The following ESCO2 variants were observed in gnomAD, a reference collection of about 807,000 sequenced individuals.
ESCO2 encodes the protein N-acetyltransferase ESCO2.
In ESCO2, 51 loss-of-function variants were observed where a neutral mutation model predicts 61.7. The ratio of observed to expected loss-of-function variants is 0.83; its 90% CI spans 0.66 to 1.04. The LOEUF is 1.04. Ranked by LOEUF, ESCO2 falls within the 50% of genes least tolerant of loss-of-function variation. The pLI is 0.00. For synonymous variants in ESCO2, 230 were observed against 238.2 expected (o/e 0.97, Z 0.32); for missense variants, 692 against 686.2 (o/e 1.01, Z -0.09).
intron 3 of ESCO2, chr8:27,777,383 C>G (rs1475438965): frequency 2.7e-6 from 1 of 371,804 alleles, no homozygotes; most frequent in African/African-American, 2.2e-5. Flanking sequence ...CTCACTACAG[C>G]CTCAACCTCC....
chr8:27,782,881 T>TA (rs1470113691), intron 4 of ESCO2, among the ~76,000 whole-genome samples: 1 of 152,084 alleles, frequency 6.6e-6, no homozygotes, highest in Non-Finnish European at 1.5e-5. Flanking sequence ...CCTACCTCCT[T>TA]CAGTGTCGTT....
chr8:27,778,386 G>C (rs145114306), intron 3 of ESCO2: 1 of 152,120 alleles, frequency 6.6e-6, no homozygotes, highest in East Asian at 1.9e-4. Context: ...GTTCTTGCTA[G>C]CTAAGCCATG....
chr8:27,792,033 C>A lies in ESCO2; in HGVS notation c.1334C>A (p.Pro445Gln). Residue 445 changes from proline (P) to glutamine (Q), a missense_variant, in exon 8 of 11, where the codon CCA (proline) becomes CAA (glutamine). Pro to Gln is a moderately conservative substitution (Grantham distance 76, BLOSUM62 -1). Transcript: ENST00000305188. ...GKIVLVLPHD[P>Q]SFAIKKVEDV... ...ATCGTGTTGGTTCTGCCACATGATC[C>A]AAGCTTTGCTATCAAAAAGGTATGG... 1 of 1,614,022 alleles carries A rather than the reference C, an allele frequency of 6.2e-7. No homozygotes were observed.
At chr8:27,791,584 C>G (rs747252823) in intron 7 of ESCO2, among the ~76,000 whole-genome samples, 17 of 152,132 alleles carry the variant, frequency 1.1e-4, no homozygotes, top group Admixed American at 1.3e-4. Context: ...TTTTACTTAG[C>G]CTTTTCTTGG....
At chr8:27,789,004 T>C (rs1585401005) in intron 7 of ESCO2, 26 bp downstream of exon 7, 1 of 1,613,790 alleles carries the variant, frequency 6.2e-7, no homozygotes, top group South Asian at 1.1e-5. Context: ...GTCTTTCAGT[T>C]TGTTCTAGAA....
At chr8:27,780,695 T>C (rs770164920) in intron 4 of ESCO2, among the ~76,000 whole-genome samples, 14 of 152,228 alleles carry the variant, frequency 9.2e-5, no homozygotes, top group Non-Finnish European at 1.9e-4. Context: ...TCAAGAACCA[T>C]GGATTTTTGT....
chr8:27,782,243 G>A (rs1250400019), intron 4 of ESCO2, among the ~76,000 whole-genome samples: 1 of 152,020 alleles, frequency 6.6e-6, no homozygotes, highest in East Asian at 1.9e-4. Flanking sequence ...TCATACCCCT[G>A]TGAGAAATAA....
downstream of ESCO2, chr8:27,810,623 G>C (rs1010425899): frequency 1.6e-6 from 1 of 627,982 alleles, no homozygotes. Context: ...TTCTGCCACA[G>C]ACAGAATGGA....
At chr8:27,800,132 G>A (rs1805392320) in intron 10 of ESCO2, among the ~76,000 whole-genome samples, 1 of 152,096 alleles carries the variant, frequency 6.6e-6, no homozygotes, top group South Asian at 2.1e-4. Flanking sequence ...AGCTGTACAT[G>A]GTCATTGATA....
At chr8:27,774,166 CTTTATTTATTTA>C (rs68114079), upstream of ESCO2, among the ~76,000 whole-genome samples, 471 of 151,088 alleles carry the variant, frequency 3.1e-3, 2 homozygotes, top group African/African-American at 9.3e-3. Flanking sequence ...TTGGAGAGGC[CTTTATTTATTTA>C]TTTATTTATT....
Position 27,775,567 on chromosome 8 carries a change from G to T in ESCO2, c.53G>T (p.Ser18Ile). The change falls in exon 2 of 11, where the codon AGC (serine) becomes ATC (isoleucine). Residue 18 changes from serine to isoleucine, a missense_variant and splice_region_variant. Coordinates refer to ENST00000305188, the MANE Select transcript of ESCO2 (RefSeq NM_001017420.3). ...KRKQDSLKCDSLLHFTENLFP... is the reference protein window; with the variant it reads ...KRKQDSLKCDILLHFTENLFP... ...AAGCAGGATTCTTTGAAGTGTGACA[G>T]GTGAATCTCAGCCTGTGAATAGAAA... 1 of 1,614,000 alleles carries T rather than the reference G, an allele frequency of 6.2e-7. No homozygotes were observed. The highest frequency in any genetic ancestry group is 8.5e-7 in the Non-Finnish European group (1 of 1,179,910).
chr8:27,788,057 C>A, intron 6 of ESCO2, 55 bp downstream of exon 6: 1 of 1,264,982 alleles, frequency 7.9e-7, no homozygotes, highest in Non-Finnish European at 1.2e-6. Context: ...GAAAAGCTTG[C>A]CAACCCCTGT....
At position 27,776,842 on chromosome 8, in the gene ESCO2, GGAAAATAATTGTCATTCAGCT is replaced by G. The variant is rs1351870059; in HGVS notation, c.545_565del (p.Cys182_Asn188del). ...TGATCTATAAGCCAATTGTGGAGAA[GGAAAATAATTGTCATTCAGCT>G]GAAAATAATTCCAATGCTCCTCGGG... On this transcript the variant is annotated inframe_deletion, in exon 3 of 11. Transcript: ENST00000305188. 6.2e-7 allele frequency: 1 copy of G among 1,613,974 alleles called. No homozygotes were observed. Among genetic ancestry groups the G allele is most frequent in the Non-Finnish European group, 8.5e-7 (1 of 1,180,014 alleles).
intron 10 of ESCO2, among the ~76,000 whole-genome samples, chr8:27,802,670 A>G (rs1386060996): frequency 7.9e-6 from 1 of 126,194 alleles, no homozygotes; most frequent in Admixed American, 8.4e-5. Context: ...ATATATATAT[A>G]TATAGTTACT....
intron 4 of ESCO2, among the ~76,000 whole-genome samples, chr8:27,782,483 C>CA (rs1433608369): frequency 1.3e-5 from 2 of 152,214 alleles, no homozygotes; most frequent in South Asian, 2.1e-4. Context: ...AGGGTGGTCT[C>CA]AAACTCCTGA....
At chr8:27,775,640 C>A (rs965962199) in intron 2 of ESCO2, 73 bp downstream of exon 2, 1 of 1,536,628 alleles carries the variant, frequency 6.5e-7, no homozygotes, top group Admixed American at 1.7e-5. Context: ...CTCCTATTTT[C>A]TAAAATTTTC....
In ESCO2 at chr8:27,776,927, G is replaced by A; in HGVS notation, c.619G>A (p.Gly207Ser). Residue 207 changes from glycine to serine, a missense_variant, in exon 3 of 11, where the codon GGT (glycine) becomes AGT (serine). Transcript: ENST00000305188. ...QKIKPQVTLQ[G>S]GAAFFVRKKS... ...AATAAAACCACAAGTTACACTCCAG[G>A]GTGGAGCAGCATTTTTTGTTAGAAA... 2 of 1,613,782 alleles carry A rather than the reference G, an allele frequency of 1.2e-6. No individual in the cohort carries two copies. Among genetic ancestry groups the A allele is most frequent in the Non-Finnish European group, 1.7e-6 (2 of 1,179,974 alleles).
chr8:27,814,439 A>C (rs754513513), downstream of ESCO2, among the ~76,000 whole-genome samples: 1 of 152,036 alleles, frequency 6.6e-6, no homozygotes, highest in African/African-American at 2.4e-5. Flanking sequence ...GTCTAGATAA[A>C]GCTTTATATA....
chr8:27,775,664 C>T (rs1394148137), intron 2 of ESCO2, 97 bp downstream of exon 2: 7 of 1,113,238 alleles, frequency 6.3e-6, no homozygotes, highest in South Asian at 1.2e-5. Flanking sequence ...CTTCCACTAG[C>T]CTACTCCTTG....
Sources: allele counts gnomAD v4.1 joint callset (sites outside exome capture counted in the v4.1 genomes callset), GRCh38; gene constraint gnomAD v4.1.1; transcripts MANE v1.5; gene names NCBI Gene and HGNC (gene_info 2026-07-23, HGNC 2026-07-21).